Variants in HMCN1 observed in about 807,000 individuals in gnomAD.
HMCN1 encodes hemicentin 1.
In HMCN1, 321 loss-of-function variants were observed where a neutral mutation model predicts 625.9. That is an observed-to-expected ratio of 0.51 (90% CI 0.47 to 0.56). The LOEUF (loss-of-function observed/expected upper bound fraction) is 0.56, where lower values mean the gene tolerates loss of function less well. Among genes scored for constraint, HMCN1 ranks in the 20% least tolerant of loss-of-function variants. The pLI, the probability that HMCN1 is intolerant of heterozygous loss-of-function variation, is 0.00. For synonymous variants in HMCN1, 2,425 were observed against 2,417.6 expected (o/e 1.00, Z -0.09); for missense variants, 6,588 against 6,887.3 (o/e 0.96, Z 1.54).
chr1:186,163,614 A>G (rs982246207), intron 97 of HMCN1, among the ~76,000 whole-genome samples: 16 of 152,346 alleles, frequency 1.1e-4, no homozygotes, highest in African/African-American at 3.4e-4. Context: ...TCAGCCACCA[A>G]TTTATATGAA....
At position 186,074,879 on chromosome 1, in the gene HMCN1, GT is replaced by G; in HGVS notation, c.8279del (p.Val2760GlyfsTer15). The stretch of plus-strand genomic sequence containing the variant: ...AGGTGAAGATGAGTTGGATTTTGAT[GT>G]GAATATTCAAGGTAATACTAATTGC... Reference protein sequence around the residue: ...IAGEDELDFDVNIQVPPSFQK... With the variant: ...IAGEDELDFDXNIQVPPSFQK... On this transcript the variant is annotated frameshift_variant, in exon 53 of 107. Coordinates refer to ENST00000271588, the MANE Select transcript of HMCN1 (RefSeq NM_031935.3). LOFTEE classifies it high-confidence loss of function. 6.2e-7 allele frequency: 1 copy of G among 1,611,552 alleles called. No individual in the cohort carries two copies. Among genetic ancestry groups the G allele is most frequent in the Non-Finnish European group, 8.5e-7 (1 of 1,178,032 alleles).
chr1:186,145,955 T>A (rs1265490848), intron 93 of HMCN1, 32 bp downstream of exon 93: 1 of 1,607,834 alleles, frequency 6.2e-7, no homozygotes, highest in East Asian at 2.2e-5. Flanking sequence ...TGGTAGCACA[T>A]TTAGAGCCTT....
At chr1:186,062,641 C>T in intron 48 of HMCN1, 41 bp downstream of exon 48, 1 of 1,276,816 alleles carries the variant, frequency 7.8e-7, no homozygotes, top group Non-Finnish European at 1.1e-6. Flanking sequence ...TCCCCCCACT[C>T]ACTGATAGTC....
At chr1:185,863,644 T>C (rs1663006419) in intron 2 of HMCN1, among the ~76,000 whole-genome samples, 1 of 152,310 alleles carries the variant, frequency 6.6e-6, no homozygotes, top group African/African-American at 2.4e-5. Context: ...AAACTCACAA[T>C]TTCATGTACC....
intron 11 of HMCN1, among the ~76,000 whole-genome samples, chr1:185,935,555 G>A (rs985689883): frequency 1.3e-5 from 2 of 152,146 alleles, no homozygotes; most frequent in East Asian, 1.9e-4. Context: ...ATTTTAAAAA[G>A]TGCTGAGGTA....
At chr1:185,803,369 T>A (rs1658945209) in intron 1 of HMCN1, among the ~76,000 whole-genome samples, 4 of 152,052 alleles carry the variant, frequency 2.6e-5, no homozygotes, top group Admixed American at 2.0e-4. Context: ...CATTACAAAC[T>A]TTCATCATAG....
intron 97 of HMCN1, among the ~76,000 whole-genome samples, chr1:186,161,613 C>T (rs1383181114): frequency 6.6e-6 from 1 of 151,958 alleles, no homozygotes. Context: ...TAGGGCAGGC[C>T]TGGTGGTGAC....
chr1:185,959,741 T>C (rs74134229), intron 11 of HMCN1, among the ~76,000 whole-genome samples: 2,701 of 152,218 alleles, frequency 0.018, 68 homozygotes, highest in African/African-American at 0.061. Context: ...AAGCCTAAAA[T>C]TGAACTCCGG....
intron 1 of HMCN1, among the ~76,000 whole-genome samples, chr1:185,835,498 G>T (rs1291600717): frequency 1.3e-5 from 2 of 152,214 alleles, no homozygotes; most frequent in African/African-American, 4.8e-5. Flanking sequence ...CATGATGTAT[G>T]TATTCTGTCT....
intron 1 of HMCN1, among the ~76,000 whole-genome samples, chr1:185,756,304 T>G (rs374561628): frequency 4.5e-4 from 68 of 152,242 alleles, no homozygotes; most frequent in African/African-American, 1.6e-3. Flanking sequence ...TTCCTGTTCA[T>G]ACCTTTTCTG....
intron 85 of HMCN1, 27 bp downstream of exon 85, chr1:186,130,724 A>G (rs770536576): frequency 1.2e-6 from 2 of 1,600,200 alleles, no homozygotes; most frequent in Non-Finnish European, 1.7e-6. Context: ...TGATTGATGC[A>G]CCTTTAAACC....
chr1:185,743,258 TCCTG>T (rs1654109304), intron 1 of HMCN1, among the ~76,000 whole-genome samples: 1 of 152,240 alleles, frequency 6.6e-6, no homozygotes, highest in Non-Finnish European at 1.5e-5. Context: ...GGTATTTTTA[TCCTG>T]CCTTTCATAT....
intron 21 of HMCN1, 123 bp downstream of exon 21, chr1:185,989,770 CTATTTT>C: frequency 1.9e-6 from 1 of 527,956 alleles, no homozygotes; most frequent in Non-Finnish European, 3.0e-6. Flanking sequence ...CCCCAGATTT[CTATTTT>C]TTTTTTTTTT....
intron 105 of HMCN1, 72 bp from the exon 106 acceptor site, chr1:186,187,811 C>G (rs1474550051): frequency 6.3e-7 from 1 of 1,596,348 alleles, no homozygotes; most frequent in African/African-American, 1.3e-5. Context: ...AGTCACACAT[C>G]TACAGTGCCT....
intron 11 of HMCN1, among the ~76,000 whole-genome samples, chr1:185,939,640 G>A (rs148700383): frequency 6.6e-6 from 1 of 152,124 alleles, no homozygotes; most frequent in East Asian, 1.9e-4. Context: ...TAAACTTTGT[G>A]TAAATAGGAT....
rs145436652 is a variant in HMCN1, at chr1:185,739,460, C to T, written c.268+4413C>T. On this transcript the variant is annotated intron_variant, in intron 1 of 106. Coordinates refer to ENST00000271588, the MANE Select transcript of HMCN1 (RefSeq NM_031935.3). ...ACTATAGCTTCTTTTATCACTCACT[C>T]TCTTATATCCCCTCCTCTCTTTAAG... 2.6e-3 allele frequency among the ~76,000 whole-genome samples: 392 copies of T among 152,300 alleles called. 3 individuals are homozygous for T. The highest frequency in any genetic ancestry group is 9.2e-3 in the African/African-American group (382 of 41,554).
chr1:186,093,026 T>C, intron 64 of HMCN1, 108 bp from the exon 65 acceptor site: 1 of 1,446,372 alleles, frequency 6.9e-7, no homozygotes, highest in Non-Finnish European at 9.7e-7. Flanking sequence ...TTCAGTTGGT[T>C]GCTTGAATTT....
chr1:185,853,381 A>T (rs1662276799), intron 2 of HMCN1, among the ~76,000 whole-genome samples: 1 of 152,150 alleles, frequency 6.6e-6, no homozygotes, highest in Non-Finnish European at 1.5e-5. Flanking sequence ...CTTTGGGGAG[A>T]AACAAGAACA....
At chr1:185,813,451 T>C (rs1229145362) in intron 1 of HMCN1, among the ~76,000 whole-genome samples, 1 of 152,176 alleles carries the variant, frequency 6.6e-6, no homozygotes, top group East Asian at 1.9e-4. Context: ...CAAAATCATA[T>C]TCTGATTACT....
Sources: gnomAD v4.1 joint callset for allele counts (sites outside exome capture counted in the v4.1 genomes callset) on GRCh38, gnomAD v4.1.1 for gene constraint, MANE v1.5 for transcripts, NCBI Gene and HGNC (gene_info 2026-07-23, HGNC 2026-07-21) for gene names.